DIS3L2: variants seen among roughly 807,000 people sequenced by gnomAD.
The protein encoded by DIS3L2 is DIS3-like exonuclease 2.
In DIS3L2, 34 loss-of-function variants were observed where a neutral mutation model predicts 97.5. That is an observed-to-expected ratio of 0.35 (90% confidence interval 0.27 to 0.46). The LOEUF (loss-of-function observed/expected upper bound fraction) is 0.46. Among genes scored for constraint, DIS3L2 ranks in the 20% least tolerant of loss-of-function variants. The pLI is 1.00. For missense variants in DIS3L2, 1,038 were observed against 1,146.0 expected (o/e 0.91, Z 1.36); for synonymous variants, 435 against 445.2 (o/e 0.98, Z 0.29).
At chr2:232,094,194 T>C (rs937107853) in intron 6 of DIS3L2, among the ~76,000 whole-genome samples, 1 of 152,196 alleles carries the variant, frequency 6.6e-6, no homozygotes, top group African/African-American at 2.4e-5. Flanking sequence ...TTTATACTAT[T>C]TCAGTTTTTT....
chr2:232,077,302 C>CA (rs59216318), intron 5 of DIS3L2, among the ~76,000 whole-genome samples: 105 of 140,440 alleles, frequency 7.5e-4, no homozygotes, highest in Middle Eastern at 3.8e-3. Flanking sequence ...TTTTACCTTC[C>CA]AAAAAAAAAA....
In DIS3L2 at chr2:232,334,201, C is replaced by T. The variant is rs3748966; in HGVS notation, c.2159-168C>T. ...GCCCACAGCCAGCCCTGGACACAGC[C>T]GGGAGGAGGGCGCTGACCTCGAAGG... On this transcript the variant is annotated intron_variant, in intron 17 of 20. Coordinates refer to ENST00000325385, the MANE Select transcript of DIS3L2 (RefSeq NM_152383.5). Among the ~76,000 whole-genome samples the T allele has an allele frequency of 0.11, 17,473 of 152,184 alleles. 1,488 individuals are homozygous for T. The highest frequency in any genetic ancestry group is 0.24 in the African/African-American group (9,988 of 41,480).
intron 5 of DIS3L2, among the ~76,000 whole-genome samples, chr2:232,052,224 G>A (rs374384675): frequency 2.0e-5 from 3 of 151,956 alleles, no homozygotes; most frequent in Admixed American, 1.3e-4. Context: ...GGGTTTTGCC[G>A]TGTTGGTCAG....
At chr2:232,337,412 C>T (rs1275222592), downstream of DIS3L2, among the ~76,000 whole-genome samples, 1 of 152,130 alleles carries the variant, frequency 6.6e-6, no homozygotes, top group African/African-American at 2.4e-5. Flanking sequence ...CCAAGGGAGC[C>T]TGGACAGAGG....
chr2:232,333,953 C>T lies in DIS3L2; in HGVS notation c.2124C>T (p.Asp708=), dbSNP rs368518323. The stretch of plus-strand genomic sequence containing the variant: ...CCTCGCCCATCCGCCGCTTTGCCGA[C>T]GTCCTGGTGCACCGCCTCCTGGCTG... ...HFTSPIRRFA[D]VLVHRLLAAA... Residue 708 remains aspartate (D), a synonymous_variant, in exon 17 of 21, where the codon GAC becomes GAT. Transcript: ENST00000325385. 340 of 1,612,544 alleles carry T rather than the reference C, an allele frequency of 2.1e-4. No individual in the cohort carries two copies. The highest frequency in any genetic ancestry group is 2.7e-4 in the Non-Finnish European group (321 of 1,179,802).
chr2:232,232,182 A>T (rs1692811008), intron 10 of DIS3L2, among the ~76,000 whole-genome samples: 1 of 152,032 alleles, frequency 6.6e-6, no homozygotes, highest in Admixed American at 6.5e-5. Context: ...TGAAGTGGTG[A>T]TAGAGGATGG....
intron 9 of DIS3L2, among the ~76,000 whole-genome samples, chr2:232,194,797 G>T (rs187752843): frequency 6.6e-6 from 1 of 152,114 alleles, no homozygotes; most frequent in African/African-American, 2.4e-5. Flanking sequence ...TGTGTGCTGG[G>T]TGACCCGCAA....
rs184993996 is a variant in DIS3L2 at position 232,232,697 on chromosome 2, G to A, written c.1205-5836G>A. Reference sequence around the variant, plus strand: ...GGAGGTATGAGTGTGATGTGACCGTGGGACAGCTGAGTGACAATTCTCAGT... The same window carrying A: ...GGAGGTATGAGTGTGATGTGACCGTAGGACAGCTGAGTGACAATTCTCAGT... On this transcript the variant is annotated intron_variant, in intron 10 of 20. Coordinates refer to ENST00000325385, the MANE Select transcript of DIS3L2 (RefSeq NM_152383.5). Among the ~76,000 whole-genome samples, 3 of 152,230 alleles carry A rather than the reference G, an allele frequency of 2.0e-5. No homozygotes were observed. The East Asian group carries it at 5.8e-4, about 29-fold the overall frequency.
intron 10 of DIS3L2, among the ~76,000 whole-genome samples, chr2:232,223,754 T>C (rs1300095158): frequency 6.6e-6 from 1 of 152,208 alleles, no homozygotes; most frequent in African/African-American, 2.4e-5. Flanking sequence ...AGACAAAAAG[T>C]AAGTGTTTAG....
chr2:232,115,122 C>T (rs149589256), intron 6 of DIS3L2, among the ~76,000 whole-genome samples: 27 of 152,208 alleles, frequency 1.8e-4, no homozygotes, highest in African/African-American at 5.5e-4. Context: ...CTGATCCAAT[C>T]ACCTCTTAAA....
At chr2:232,270,908 C>CTCTCTCTG (rs1211769665) in intron 13 of DIS3L2, among the ~76,000 whole-genome samples, 6 of 130,554 alleles carry the variant, frequency 4.6e-5, no homozygotes, top group Non-Finnish European at 1.7e-5. Flanking sequence ...CTCTCTCTCT[C>CTCTCTCTG]TCTCTCTGTC....
At chr2:232,333,757 G>GC in intron 16 of DIS3L2, 83 bp from the exon 17 acceptor site, 1 of 1,393,498 alleles carries the variant, frequency 7.2e-7, no homozygotes, top group Non-Finnish European at 9.4e-7. Context: ...GCTGCCGACG[G>GC]TGAGGCTGTG....
Position 232,316,475 on chromosome 2 carries a change from G to A in DIS3L2, c.1740-13338G>A, listed in dbSNP as rs371824372. Reference sequence around the variant, plus strand: ...AGTTGTCACTTCTCCGTGGCTGTCCGGAGAACCTGTAGCACCCTCTCCAGC... The same window carrying A: ...AGTTGTCACTTCTCCGTGGCTGTCCAGAGAACCTGTAGCACCCTCTCCAGC... On this transcript the variant is annotated intron_variant, in intron 14 of 20. Transcript: ENST00000325385. 6.2e-4 allele frequency among the ~76,000 whole-genome samples: 95 copies of A among 152,164 alleles called. No individual in the cohort carries two copies. The East Asian group carries it at 0.011, about 17-fold the overall frequency.
intron 18 of DIS3L2, 22 bp from the exon 19 acceptor site, chr2:232,334,609 G>A (rs746151608): frequency 5.6e-6 from 9 of 1,602,002 alleles, no homozygotes; most frequent in Non-Finnish European, 7.7e-6. Flanking sequence ...GAGGTGCCAT[G>A]GCTGCAGCAC....
intron 6 of DIS3L2, among the ~76,000 whole-genome samples, chr2:232,103,412 G>C (rs1448762682): frequency 6.6e-6 from 1 of 152,120 alleles, no homozygotes; most frequent in Non-Finnish European, 1.5e-5. Flanking sequence ...AAAAGTTTCT[G>C]TTGGGAATAG....
chr2:232,261,082 C>T (rs1239445310), intron 12 of DIS3L2, among the ~76,000 whole-genome samples: 1 of 152,196 alleles, frequency 6.6e-6, no homozygotes, highest in Non-Finnish European at 1.5e-5. Context: ...TTCCATTCTC[C>T]TCAGGCCCTC....
intron 1 of DIS3L2, among the ~76,000 whole-genome samples, chr2:231,997,352 A>G (rs1437166718): frequency 6.6e-6 from 1 of 152,242 alleles, no homozygotes; most frequent in African/African-American, 2.4e-5. Context: ...TTTGTAAAAT[A>G]TAAGTGAGTA....
intron 5 of DIS3L2, among the ~76,000 whole-genome samples, chr2:232,074,835 C>T (rs778431359): frequency 5.2e-4 from 79 of 152,036 alleles, no homozygotes; most frequent in Non-Finnish European, 9.6e-4. Flanking sequence ...CTGCCTGCCT[C>T]GGATTCCCAA....
intron 13 of DIS3L2, among the ~76,000 whole-genome samples, chr2:232,282,894 C>T (rs1406548985): frequency 1.3e-5 from 2 of 152,162 alleles, no homozygotes; most frequent in African/African-American, 4.8e-5. Flanking sequence ...CATGAGGCTG[C>T]GCACATGAAG....
Sources: gnomAD v4.1 joint callset for allele counts (sites outside exome capture counted in the v4.1 genomes callset) on GRCh38, gnomAD v4.1.1 for gene constraint, MANE v1.5 for transcripts, NCBI Gene and HGNC (gene_info 2026-07-23, HGNC 2026-07-21) for gene names.